Variants in CSAD observed in about 807,000 individuals in gnomAD.
CSAD encodes cysteine sulfinic acid decarboxylase, also known as P-selectin cytoplasmic tail-associated protein.
In CSAD, 47 loss-of-function variants were observed where a neutral mutation model predicts 61.5. That is an observed-to-expected ratio of 0.76 (90% confidence interval 0.60 to 0.97). The LOEUF (loss-of-function observed/expected upper bound fraction) is 0.97. Ranked by LOEUF, CSAD falls within the 50% of genes least tolerant of loss-of-function variation. The pLI is 0.00. For synonymous variants in CSAD, 245 were observed against 252.7 expected, an observed-to-expected ratio of 0.97 and a Z score of 0.29; for missense variants, 611 against 643.6, an observed-to-expected ratio of 0.95 and a Z score of 0.55.
At position 53,173,863 on chromosome 12, in the gene CSAD, A is replaced by G. The variant is rs77593639; in HGVS notation, c.-49-93T>C. The G allele has an allele frequency of 2.0e-3, 2,437 of 1,243,282 alleles. 37 individuals are homozygous for G. In the African/African-American group the frequency reaches 0.032, roughly 16 times the overall value. 77.0% of individuals were successfully genotyped at this position (1,243,282 alleles called of 1,614,324 possible). A position where few individuals can be genotyped will look rare whatever the true frequency, so the allele number is the denominator to read the frequency against. On this transcript the variant is annotated intron_variant, in intron 2 of 16. Transcript: ENST00000444623. Reference sequence around the variant, plus strand: ...ATAAATTCACAAAGTTGTTGCAACCATCATCACTATCTAACGCCAGAACAT... The same window carrying G: ...ATAAATTCACAAAGTTGTTGCAACCGTCATCACTATCTAACGCCAGAACAT...
At chr12:53,159,282 G>A (rs139483453) in intron 16 of CSAD, among the ~76,000 whole-genome samples, 11 of 152,202 alleles carry the variant, frequency 7.2e-5, no homozygotes, top group African/African-American at 2.4e-4. Context: ...TGGCTTTCTC[G>A]GGTTGCTGTG....
At position 53,169,585 on chromosome 12, in the gene CSAD, T is replaced by A. The variant is rs955797287; in HGVS notation, c.702+487A>T. On this transcript the variant is annotated intron_variant, in intron 10 of 16. Transcript: ENST00000444623. ...CTGGGTGACTGAGTGAGACTCTGTC[T>A]CAAAAACTATTAAAAAATAAAAATA... is the stretch of plus-strand genomic sequence containing the variant. Among the ~76,000 whole-genome samples the A allele has an allele frequency of 2.0e-5, 3 of 152,116 alleles. No homozygotes were observed. In the South Asian group the frequency reaches 6.2e-4, roughly 32 times the overall value.
At chr12:53,169,402 C>T (rs1227854936) in intron 10 of CSAD, among the ~76,000 whole-genome samples, 1 of 151,558 alleles carries the variant, frequency 6.6e-6, no homozygotes, top group Non-Finnish European at 1.5e-5. Flanking sequence ...TCACTTGAAC[C>T]TGAGAGGCGG....
At chr12:53,164,821 T>C (rs1046775833) in intron 10 of CSAD, 8 of 152,222 alleles carry the variant, frequency 5.3e-5, no homozygotes, top group Admixed American at 5.2e-4. Context: ...CTAGAATATA[T>C]GAAGAACTCT....
chr12:53,173,311 G>C, intron 4 of CSAD, 34 bp downstream of exon 4: 1 of 1,575,424 alleles, frequency 6.3e-7, no homozygotes, highest in South Asian at 1.1e-5. Flanking sequence ...AAGAAAGAAA[G>C]CTTGATGGGA....
chr12:53,174,799 T>C (rs1271510558), intron 2 of CSAD, among the ~76,000 whole-genome samples: 2 of 152,084 alleles, frequency 1.3e-5, no homozygotes, highest in Admixed American at 6.6e-5. Flanking sequence ...TTCAAAAATA[T>C]ATATATATAT....
rs2121352583 is a variant in CSAD at position 53,157,827 on chromosome 12, A to C, written c.*684T>G. On this transcript the variant is annotated 3_prime_UTR_variant, in exon 17 of 17. Coordinates refer to ENST00000444623, the MANE Select transcript of CSAD (RefSeq NM_001244705.2). The stretch of plus-strand genomic sequence containing the variant: ...TTAAAATTGCCTATTATCCTATTCC[A>C]GGGAAAACTATTAACATTTTGCCAT... The C allele has an allele frequency of 6.6e-6, 1 of 152,254 alleles. No individual in the cohort carries two copies. Among genetic ancestry groups the C allele is most frequent in the Middle Eastern group, 3.4e-3 (1 of 294 alleles). The allele number at this position is 152,254 out of a possible 1,614,324, so 9.4% of individuals were successfully genotyped here.
chr12:53,169,826 T>C (rs1940344639), intron 10 of CSAD, among the ~76,000 whole-genome samples: 1 of 151,988 alleles, frequency 6.6e-6, no homozygotes, highest in African/African-American at 2.4e-5. Context: ...CTCCCTGTGG[T>C]GCTGCCTGGG....
intron 1 of CSAD, chr12:53,180,208 C>T: frequency 1.0e-6 from 1 of 985,356 alleles, no homozygotes; most frequent in South Asian, 4.7e-5. Context: ...ACGCCTCTCC[C>T]AGCTGACCCC....
Position 53,171,869 on chromosome 12 carries a change from C to A in CSAD, c.451+13G>T. ...AAAAAGGGCAAAGAAAGGTCCTCCT[C>A]CTTCTCACAAACCAGGGCAGAAGAT... On this transcript the variant is annotated intron_variant, in intron 7 of 16. Transcript: ENST00000444623. 1 of 1,584,536 alleles carries A rather than the reference C, an allele frequency of 6.3e-7. No individual in the cohort carries two copies. Among genetic ancestry groups the A allele is most frequent in the Non-Finnish European group, 8.7e-7 (1 of 1,153,596 alleles).
chr12:53,164,584 G>A (rs1939670088), intron 10 of CSAD: 1 of 154,372 alleles, frequency 6.5e-6, no homozygotes, highest in South Asian at 2.0e-4. Flanking sequence ...TAAGAAGCGG[G>A]AGGGAGGGGA....
In CSAD at chr12:53,180,917, C is replaced by T. The variant is rs771471424; in HGVS notation, c.-276G>A. 1 of 933,556 alleles carries T rather than the reference C, an allele frequency of 1.1e-6. No individual in the cohort carries two copies. Among genetic ancestry groups the T allele is most frequent in the Non-Finnish European group, 1.3e-6 (1 of 792,146 alleles). 57.8% of individuals were successfully genotyped at this position (933,556 alleles called of 1,614,324 possible). ...GTAGCTCGCAAGCCGTGGGGTGCCG[C>T]GCGGGAAGGGGGAGGGGAGGGGAGG... On this transcript the variant is annotated 5_prime_UTR_variant, in exon 1 of 17. Transcript: ENST00000444623.
In CSAD at chr12:53,174,079, C is replaced by T. The variant is rs915847011; in HGVS notation, c.-49-309G>A. Reference sequence around the variant, plus strand: ...CAGCACTTTGGGAGGCCGAGGCGGGCGGATCACGAGGTCAGGAGATCGAGA... The same window carrying T: ...CAGCACTTTGGGAGGCCGAGGCGGGTGGATCACGAGGTCAGGAGATCGAGA... On this transcript the variant is annotated intron_variant, in intron 2 of 16. Transcript: ENST00000444623. 69 of 335,962 alleles carry T rather than the reference C, an allele frequency of 2.1e-4. 1 individual carries two copies. The East Asian group carries it at 3.4e-3, about 16-fold the overall frequency. The allele number at this position is 335,962 out of a possible 1,614,324, so 20.8% of individuals were successfully genotyped here. A position where few individuals can be genotyped will look rare whatever the true frequency, so the allele number is the denominator to read the frequency against.
intron 2 of CSAD, 47 bp downstream of exon 2, chr12:53,179,055 G>A (rs1421307052): frequency 2.0e-5 from 3 of 152,186 alleles, no homozygotes; most frequent in Non-Finnish European, 4.4e-5. Flanking sequence ...GTTTCTCCAT[G>A]TTGGTCAGGC....
chr12:53,176,113 G>A (rs1245104968), intron 2 of CSAD, among the ~76,000 whole-genome samples: 1 of 152,094 alleles, frequency 6.6e-6, no homozygotes, highest in Non-Finnish European at 1.5e-5. Context: ...AAGAAGGGGG[G>A]GTGAGGGGCG....
intron 10 of CSAD, among the ~76,000 whole-genome samples, chr12:53,165,446 G>C (rs997707877): frequency 1.3e-5 from 2 of 151,838 alleles, no homozygotes; most frequent in Non-Finnish European, 2.9e-5. Context: ...GGATCACAAG[G>C]TTGGGAGATC....
chr12:53,177,643 T>G (rs1012691674), intron 2 of CSAD, among the ~76,000 whole-genome samples: 1 of 152,014 alleles, frequency 6.6e-6, no homozygotes, highest in Non-Finnish European at 1.5e-5. Flanking sequence ...ATTTATTTAT[T>G]TATTTATTTT....
chr12:53,161,259 G>C lies in CSAD; in HGVS notation c.819+14C>G, dbSNP rs202172760. ...GCCCACCCCACCGCACCCCCAAGCC[G>C]AAGTCCCACTCACATCCACATGCAG... On this transcript the variant is annotated intron_variant, in intron 11 of 16. Transcript: ENST00000444623. 1.2e-6 allele frequency: 2 copies of C among 1,613,598 alleles called. No individual in the cohort carries two copies. The highest frequency in any genetic ancestry group is 1.7e-6 in the Non-Finnish European group (2 of 1,179,628).
At chr12:53,179,960 T>G (rs1941440082) in intron 1 of CSAD, 2 of 1,538,878 alleles carry the variant, frequency 1.3e-6, no homozygotes, top group Non-Finnish European at 1.7e-6. Flanking sequence ...TAGTCTACTG[T>G]GGGAGTCAGG....
Sources: gnomAD v4.1 joint callset for allele counts (sites outside exome capture counted in the v4.1 genomes callset) on GRCh38, gnomAD v4.1.1 for gene constraint, MANE v1.5 for transcripts, NCBI Gene and HGNC (gene_info 2026-07-23, HGNC 2026-07-21) for gene names.